SHROOM3: variants seen among roughly 807,000 people sequenced by gnomAD.
SHROOM3 encodes shroom family member 3, also known as protein Shroom3.
SHROOM3 carries 47 observed loss-of-function variants against 138.6 expected under a neutral mutation model. The observed-to-expected ratio is 0.34, with a 90% CI of 0.27 to 0.43. The LOEUF is 0.43. Ranked by LOEUF, SHROOM3 falls within the 20% of genes least tolerant of loss-of-function variation. The pLI is 1.00. For missense variants in SHROOM3, 2,491 were observed against 2,596.5 expected, an observed-to-expected ratio of 0.96 and a Z score of 0.88; for synonymous variants, 1,062 against 1,063.3, an observed-to-expected ratio of 1.00 and a Z score of 0.02.
chr4:76,662,523 A>G (rs1718545673), intron 2 of SHROOM3, among the ~76,000 whole-genome samples: 1 of 152,214 alleles, frequency 6.6e-6, no homozygotes, highest in South Asian at 2.1e-4. Flanking sequence ...AATCTCCTGT[A>G]TCTTAAGATT....
intron 1 of SHROOM3, among the ~76,000 whole-genome samples, chr4:76,530,256 A>G (rs1306517796): frequency 6.6e-6 from 1 of 152,226 alleles, no homozygotes; most frequent in East Asian, 1.9e-4. Context: ...GAGATTAACA[A>G]CATGTTGGAT....
intron 1 of SHROOM3, among the ~76,000 whole-genome samples, chr4:76,553,063 T>A (rs547411831): frequency 6.6e-6 from 1 of 152,364 alleles, no homozygotes; most frequent in Admixed American, 6.5e-5. Context: ...TTTTGTCCAC[T>A]TTTATAGCCC....
At chr4:76,608,455 G>T (rs1403243940) in intron 2 of SHROOM3, among the ~76,000 whole-genome samples, 1 of 152,184 alleles carries the variant, frequency 6.6e-6, no homozygotes, top group Non-Finnish European at 1.5e-5. Flanking sequence ...ATCACCTGTT[G>T]TTCTCTCAGT....
chr4:76,731,372 A>G (rs1403581676), intron 4 of SHROOM3, among the ~76,000 whole-genome samples: 1 of 152,218 alleles, frequency 6.6e-6, no homozygotes, highest in Non-Finnish European at 1.5e-5. Flanking sequence ...TCTTAGCTCC[A>G]ACGGCACAAC....
At chr4:76,561,782 G>A (rs1313390916) in intron 2 of SHROOM3, among the ~76,000 whole-genome samples, 1 of 151,912 alleles carries the variant, frequency 6.6e-6, no homozygotes, top group African/African-American at 2.4e-5. Context: ...GGCAAAGGCA[G>A]GCAGGTCACC....
At chr4:76,687,020 C>T (rs1450535914) in intron 2 of SHROOM3, among the ~76,000 whole-genome samples, 1 of 152,178 alleles carries the variant, frequency 6.6e-6, no homozygotes, top group Non-Finnish European at 1.5e-5. Flanking sequence ...TCCCACAACA[C>T]ACTCCAGCAC....
chr4:76,662,890 GGAGA>G (rs1418595976), intron 2 of SHROOM3, among the ~76,000 whole-genome samples: 1 of 151,592 alleles, frequency 6.6e-6, no homozygotes, highest in Non-Finnish European at 1.5e-5. Flanking sequence ...TGAGGGAGAG[GGAGA>G]GAGAGAGGTA....
intron 2 of SHROOM3, among the ~76,000 whole-genome samples, chr4:76,682,512 CTG>C (rs1719226902): frequency 6.6e-6 from 1 of 152,126 alleles, no homozygotes; most frequent in Admixed American, 6.5e-5. Flanking sequence ...TTCCACTACA[CTG>C]TGAGTTCCTT....
chr4:76,489,268 G>C (rs1731800445), intron 1 of SHROOM3, among the ~76,000 whole-genome samples: 1 of 152,166 alleles, frequency 6.6e-6, no homozygotes. Flanking sequence ...GAATGCTCCT[G>C]TATATAATAT....
At chr4:76,538,715 A>G (rs898546407) in intron 1 of SHROOM3, among the ~76,000 whole-genome samples, 6 of 151,986 alleles carry the variant, frequency 3.9e-5, no homozygotes, top group Admixed American at 1.3e-4. Context: ...TAATTCATTC[A>G]TGCAACATGT....
chr4:76,603,078 G>A (rs192893535), intron 2 of SHROOM3, among the ~76,000 whole-genome samples: 1 of 152,060 alleles, frequency 6.6e-6, no homozygotes, highest in Non-Finnish European at 1.5e-5. Flanking sequence ...TGGTATAAAG[G>A]CACTTAATTC....
At chr4:76,606,082 C>G (rs1259008184) in intron 2 of SHROOM3, among the ~76,000 whole-genome samples, 1 of 138,840 alleles carries the variant, frequency 7.2e-6, no homozygotes, top group Non-Finnish European at 1.5e-5. Context: ...GGTGCAATCT[C>G]GGCTCACTGC....
At chr4:76,771,249 G>A (rs182220781) in intron 10 of SHROOM3, among the ~76,000 whole-genome samples, 168 of 152,006 alleles carry the variant, frequency 1.1e-3, no homozygotes, top group African/African-American at 4.0e-3. Flanking sequence ...ACCATGGTGC[G>A]TGCTTGTAAT....
At chr4:76,645,105 G>A (rs1272985373) in intron 2 of SHROOM3, among the ~76,000 whole-genome samples, 2 of 152,144 alleles carry the variant, frequency 1.3e-5, no homozygotes, top group Non-Finnish European at 2.9e-5. Context: ...ACACCACACT[G>A]TCTCTTTATC....
intron 2 of SHROOM3, among the ~76,000 whole-genome samples, chr4:76,702,606 G>A (rs1050398023): frequency 3.3e-5 from 5 of 152,278 alleles, no homozygotes; most frequent in Non-Finnish European, 7.4e-5. Context: ...AGCTGGCTCC[G>A]GAATCCACAT....
At chr4:76,578,320 G>A (rs575387265) in intron 2 of SHROOM3, among the ~76,000 whole-genome samples, 11 of 152,274 alleles carry the variant, frequency 7.2e-5, no homozygotes, top group African/African-American at 2.6e-4. Context: ...TGTATCTCAG[G>A]GGGTTTTTGT....
intron 7 of SHROOM3, 30 bp from the exon 8 acceptor site, chr4:76,756,419 T>C (rs755930539): frequency 0.049 from 47,349 of 956,892 alleles, 98 homozygotes; most frequent in Non-Finnish European, 0.056. Flanking sequence ...CTCTCTCTCT[T>C]TTTTTTTTTT....
intron 2 of SHROOM3, among the ~76,000 whole-genome samples, chr4:76,590,102 G>A (rs1432419648): frequency 6.6e-6 from 1 of 152,102 alleles, no homozygotes. Context: ...AAAATATGCT[G>A]GTTCTCTTAA....
chr4:76,531,393 T>G (rs1560535833), intron 1 of SHROOM3, among the ~76,000 whole-genome samples: 1 of 152,186 alleles, frequency 6.6e-6, no homozygotes, highest in Non-Finnish European at 1.5e-5. Flanking sequence ...GCCTTGGGTT[T>G]AGCCTCACAC....
Sources: gnomAD v4.1 joint callset for allele counts (sites outside exome capture counted in the v4.1 genomes callset) on GRCh38, gnomAD v4.1.1 for gene constraint, MANE v1.5 for transcripts, NCBI Gene and HGNC (gene_info 2026-07-23, HGNC 2026-07-21) for gene names.